The following APOBEC1 variants were observed in gnomAD, a reference collection of about 807,000 sequenced individuals.
APOBEC1 encodes the protein apolipoprotein B mRNA editing enzyme catalytic subunit 1.
Under a neutral mutation model 26.3 loss-of-function variants are expected in APOBEC1, and 22 were observed. The ratio of observed to expected loss-of-function variants is 0.84; its 90% CI spans 0.60 to 1.19. The LOEUF (loss-of-function observed/expected upper bound fraction) is 1.19, where lower values mean the gene tolerates loss of function less well. Ranked by LOEUF, APOBEC1 falls within the 50% of genes most tolerant of loss-of-function variation. The probability of loss-of-function intolerance (pLI) is 0.00; values close to 1 mark genes in which losing one functional copy is unlikely to be tolerated. For synonymous variants in APOBEC1, 77 were observed against 95.3 expected (o/e 0.81, Z 1.12); for missense variants, 253 against 289.0 (o/e 0.88, Z 0.90).
At position 7,652,854 on chromosome 12, in the gene APOBEC1, C is replaced by T; in HGVS notation, c.45-19G>A. 6.4e-7 allele frequency: 1 copy of T among 1,553,084 alleles called. No homozygotes were observed. The highest frequency in any genetic ancestry group is 8.7e-7 in the Non-Finnish European group (1 of 1,154,468). On this transcript the variant is annotated intron_variant, in intron 2 of 4. Coordinates refer to ENST00000229304, the MANE Select transcript of APOBEC1 (RefSeq NM_001644.5). ...TCTTCTCCTGAAATACAAAAAGCAG[C>T]CCACACTGTCATGCCACATTTAGAG...
chr12:7,667,868 C>T (rs1245741297), upstream of APOBEC1, among the ~76,000 whole-genome samples: 3 of 144,640 alleles, frequency 2.1e-5, no homozygotes, highest in African/African-American at 7.7e-5. Flanking sequence ...GCCGAGATCT[C>T]ACCATTGCAC....
At chr12:7,657,043 CGTGTGTGT>C (rs6144603) in intron 1 of APOBEC1, among the ~76,000 whole-genome samples, 24,917 of 148,628 alleles carry the variant, frequency 0.17, 2,031 homozygotes, top group South Asian at 0.23. Flanking sequence ...GTTGTATATA[CGTGTGTGT>C]GTGTGTGTGT....
chr12:7,660,850 G>A (rs1332626898), intron 1 of APOBEC1, among the ~76,000 whole-genome samples: 1 of 151,522 alleles, frequency 6.6e-6, no homozygotes, highest in East Asian at 1.9e-4. Context: ...ACCAAATATT[G>A]CATGTTCTCA....
At chr12:7,650,092 C>T (rs1837205522) in intron 4 of APOBEC1, among the ~76,000 whole-genome samples, 1 of 152,152 alleles carries the variant, frequency 6.6e-6, no homozygotes, top group Non-Finnish European at 1.5e-5. Flanking sequence ...GCTAGGATTA[C>T]AAGCATGAGC....
chr12:7,668,499 G>A (rs1863919391), upstream of APOBEC1, among the ~76,000 whole-genome samples: 2 of 152,212 alleles, frequency 1.3e-5, no homozygotes, highest in East Asian at 1.9e-4. Flanking sequence ...TGAGCGCTTC[G>A]TCCATGTTCT....
At chr12:7,663,480 G>T (rs748558730) in intron 1 of APOBEC1, among the ~76,000 whole-genome samples, 11 of 152,232 alleles carry the variant, frequency 7.2e-5, no homozygotes, top group African/African-American at 2.6e-4. Flanking sequence ...GAGGAAGGGG[G>T]TGGCTGGCAC....
intron 1 of APOBEC1, among the ~76,000 whole-genome samples, chr12:7,659,874 C>T (rs1283050607): frequency 1.3e-5 from 2 of 152,040 alleles, no homozygotes; most frequent in Non-Finnish European, 2.9e-5. Flanking sequence ...GAGGCTGAGG[C>T]AGGAGAATGG....
chr12:7,653,227 G>A (rs1357033387), intron 2 of APOBEC1, among the ~76,000 whole-genome samples: 1 of 151,712 alleles, frequency 6.6e-6, no homozygotes, highest in African/African-American at 2.4e-5. Flanking sequence ...ACCACGCCCA[G>A]CCTCTGCTCC....
At chr12:7,650,328 A>G (rs1369858212) in intron 4 of APOBEC1, among the ~76,000 whole-genome samples, 1 of 152,186 alleles carries the variant, frequency 6.6e-6, no homozygotes, top group Non-Finnish European at 1.5e-5. Flanking sequence ...GCTTGAGGCT[A>G]GGAATTCGGA....
chr12:7,652,854 C>A lies in APOBEC1; in HGVS notation c.45-19G>T. On this transcript the variant is annotated intron_variant, in intron 2 of 4. Transcript: ENST00000229304. ...TCTTCTCCTGAAATACAAAAAGCAGCCCACACTGTCATGCCACATTTAGAG... is the reference window on the plus strand; with the variant it reads ...TCTTCTCCTGAAATACAAAAAGCAGACCACACTGTCATGCCACATTTAGAG... 1.9e-6 allele frequency: 3 copies of A among 1,553,080 alleles called. No homozygotes were observed. Among genetic ancestry groups the A allele is most frequent in the Non-Finnish European group, 2.6e-6 (3 of 1,154,468 alleles).
intron 3 of APOBEC1, 130 bp downstream of exon 3, chr12:7,652,308 T>C (rs1047303781): frequency 3.7e-6 from 3 of 809,472 alleles, no homozygotes; most frequent in African/African-American, 3.5e-5. Context: ...GACCTAGTCC[T>C]TTATGACATT....
At chr12:7,656,723 G>A (rs1289482822) in intron 1 of APOBEC1, among the ~76,000 whole-genome samples, 2 of 152,120 alleles carry the variant, frequency 1.3e-5, no homozygotes, top group Non-Finnish European at 2.9e-5. Context: ...ATTCCACAAG[G>A]TTGTCGGAAG....
intron 1 of APOBEC1, among the ~76,000 whole-genome samples, chr12:7,661,227 A>G (rs949981821): frequency 6.9e-6 from 1 of 145,512 alleles, no homozygotes; most frequent in African/African-American, 2.5e-5. Context: ...AAAAAAAAAG[A>G]CGGGAACAAT....
At position 7,652,901 on chromosome 12, in the gene APOBEC1, G is replaced by T. The variant is rs906268998; in HGVS notation, c.45-66C>A. 4.1e-6 allele frequency: 5 copies of T among 1,231,810 alleles called. No homozygotes were observed. The Admixed American group carries it at 9.6e-5, about 24-fold the overall frequency. 76.3% of individuals were successfully genotyped at this position (1,231,810 alleles called of 1,614,324 possible). A position where few individuals can be genotyped will look rare whatever the true frequency, so the allele number is the denominator to read the frequency against. On this transcript the variant is annotated intron_variant, in intron 2 of 4. Transcript: ENST00000229304. ...AGAGAGATCTTAGAAATCTTTTCCT[G>T]CTCCCCTCTTCTTTTTTTATTTTAT...
At chr12:7,655,511 T>TA (rs911208585) in intron 1 of APOBEC1, among the ~76,000 whole-genome samples, 230 of 139,478 alleles carry the variant, frequency 1.6e-3, no homozygotes, top group Middle Eastern at 3.7e-3. Context: ...CAAGACTCCT[T>TA]AAAAAAAAAA....
intron 1 of APOBEC1, among the ~76,000 whole-genome samples, chr12:7,655,046 C>T (rs766455192): frequency 6.6e-5 from 10 of 151,474 alleles, no homozygotes; most frequent in Non-Finnish European, 1.0e-4. Context: ...CTGTCTCTAC[C>T]AAAAATACAA....
intron 1 of APOBEC1, among the ~76,000 whole-genome samples, chr12:7,659,056 AGG>A (rs1474741857): frequency 4.7e-5 from 7 of 150,078 alleles, no homozygotes; most frequent in African/African-American, 1.7e-4. Flanking sequence ...GCACTTTGGG[AGG>A]CTGAGGCAGG....
chr12:7,651,976 A>T (rs938154193), intron 3 of APOBEC1, among the ~76,000 whole-genome samples: 6 of 151,848 alleles, frequency 4.0e-5, no homozygotes, highest in Non-Finnish European at 8.8e-5. Context: ...GCCCGCCACC[A>T]CGCCTGGCTA....
At chr12:7,669,096 C>T (rs6488567), upstream of APOBEC1, among the ~76,000 whole-genome samples, 29,897 of 152,074 alleles carry the variant, frequency 0.2, 3,036 homozygotes, top group African/African-American at 0.25. Context: ...AAATACTGCT[C>T]TTTCTGTCTC....
Sources: allele counts gnomAD v4.1 joint callset (sites outside exome capture counted in the v4.1 genomes callset), GRCh38; gene constraint gnomAD v4.1.1; transcripts MANE v1.5; gene names NCBI Gene and HGNC (gene_info 2026-07-23, HGNC 2026-07-21).